The following MYRIP variants were observed in gnomAD, a reference collection of about 807,000 sequenced individuals.
MYRIP encodes myosin VIIA and Rab interacting protein, also known as rab effector MyRIP.
In MYRIP, 49 loss-of-function variants were observed where a neutral mutation model predicts 98.0. The ratio of observed to expected loss-of-function variants is 0.50; its 90% CI spans 0.40 to 0.63. The LOEUF is 0.63. Ranked by LOEUF, MYRIP falls within the 30% of genes least tolerant of loss-of-function variation. The pLI, the probability that MYRIP is intolerant of heterozygous loss-of-function variation, is 0.00. For missense variants in MYRIP, 1,004 were observed against 1,058.2 expected (o/e 0.95, Z 0.71); for synonymous variants, 404 against 409.5 (o/e 0.99, Z 0.16).
At chr3:39,987,023 G>T (rs1023005620) in intron 2 of MYRIP, among the ~76,000 whole-genome samples, 4 of 151,990 alleles carry the variant, frequency 2.6e-5, no homozygotes, top group African/African-American at 4.8e-5. Context: ...AAGTTCCGGG[G>T]TACAGGTGCA....
chr3:40,174,940 G>A (rs965441022), intron 8 of MYRIP, among the ~76,000 whole-genome samples: 5 of 152,164 alleles, frequency 3.3e-5, no homozygotes, highest in South Asian at 2.1e-4. Context: ...TCAGGAGATC[G>A]AGACCATCCT....
At chr3:39,975,435 G>T (rs1471999859) in intron 2 of MYRIP, among the ~76,000 whole-genome samples, 1 of 151,754 alleles carries the variant, frequency 6.6e-6, no homozygotes, top group Non-Finnish European at 1.5e-5. Flanking sequence ...ATGCTCATGG[G>T]TAGGAAGAAT....
chr3:40,171,010 G>T (rs752830912), intron 8 of MYRIP, among the ~76,000 whole-genome samples: 1 of 152,130 alleles, frequency 6.6e-6, no homozygotes, highest in Admixed American at 6.5e-5. Flanking sequence ...CTCGCCAACT[G>T]CCAGATGCAC....
At chr3:39,818,612 T>C (rs986196979) in intron 1 of MYRIP, among the ~76,000 whole-genome samples, 3 of 152,346 alleles carry the variant, frequency 2.0e-5, no homozygotes, top group East Asian at 3.9e-4. Flanking sequence ...ACATATTTTA[T>C]TAATAAGTTT....
intron 4 of MYRIP, among the ~76,000 whole-genome samples, 197 bp downstream of exon 4, chr3:40,151,381 C>T (rs1950116214): frequency 6.6e-6 from 1 of 152,206 alleles, no homozygotes; most frequent in Non-Finnish European, 1.5e-5. Context: ...GTTCCAGCGT[C>T]CCCACTGGGC....
chr3:39,886,969 C>G (rs1416610409), intron 1 of MYRIP, among the ~76,000 whole-genome samples: 1 of 151,920 alleles, frequency 6.6e-6, no homozygotes, highest in South Asian at 2.1e-4. Context: ...TGTAAAAGAA[C>G]AGAAATTATA....
At chr3:40,112,791 G>GC (rs2125903082) in intron 3 of MYRIP, among the ~76,000 whole-genome samples, 1 of 152,332 alleles carries the variant, frequency 6.6e-6, no homozygotes, top group South Asian at 2.1e-4. Context: ...TAAACAGGCT[G>GC]CCCTTTCTGT....
At chr3:40,241,131 C>A (rs1480041054) in intron 12 of MYRIP, among the ~76,000 whole-genome samples, 1 of 152,174 alleles carries the variant, frequency 6.6e-6, no homozygotes. Context: ...AGGACTGCCA[C>A]CTTGAGGATG....
chr3:39,880,957 T>C (rs1458015905), intron 1 of MYRIP, among the ~76,000 whole-genome samples: 1 of 152,162 alleles, frequency 6.6e-6, no homozygotes, highest in Non-Finnish European at 1.5e-5. Flanking sequence ...TCTCTTTCTA[T>C]ATCTCTTTTA....
intron 3 of MYRIP, among the ~76,000 whole-genome samples, chr3:40,141,790 C>G (rs960847019): frequency 6.6e-6 from 1 of 152,136 alleles, no homozygotes; most frequent in African/African-American, 2.4e-5. Flanking sequence ...TTCTACTCTG[C>G]TCTATTGGTT....
At chr3:40,022,927 G>C (rs1947029515) in intron 2 of MYRIP, among the ~76,000 whole-genome samples, 1 of 152,144 alleles carries the variant, frequency 6.6e-6, no homozygotes, top group Non-Finnish European at 1.5e-5. Context: ...AAAAGAGACT[G>C]GCAGTTACAG....
intron 1 of MYRIP, among the ~76,000 whole-genome samples, chr3:39,888,137 C>G (rs1378629822): frequency 2.0e-5 from 3 of 152,024 alleles, no homozygotes; most frequent in Non-Finnish European, 4.4e-5. Flanking sequence ...CCATCCCCAT[C>G]AAGCTACCAA....
At chr3:39,828,461 C>T (rs922010874) in intron 1 of MYRIP, among the ~76,000 whole-genome samples, 4 of 151,530 alleles carry the variant, frequency 2.6e-5, no homozygotes, top group African/African-American at 9.7e-5. Flanking sequence ...TTATTTCTGG[C>T]AATTTATATA....
intron 2 of MYRIP, among the ~76,000 whole-genome samples, chr3:40,035,114 C>A (rs546538943): frequency 6.7e-6 from 1 of 149,192 alleles, no homozygotes; most frequent in Non-Finnish European, 1.5e-5. Flanking sequence ...AGGAGATATA[C>A]CTAATGCTAA....
At chr3:40,077,043 A>G (rs957703809) in intron 3 of MYRIP, among the ~76,000 whole-genome samples, 1 of 152,070 alleles carries the variant, frequency 6.6e-6, no homozygotes, top group African/African-American at 2.4e-5. Flanking sequence ...CCTTGCGGTG[A>G]GTGTTACAGC....
chr3:40,077,866 G>A (rs1948383588), intron 3 of MYRIP, among the ~76,000 whole-genome samples: 1 of 151,948 alleles, frequency 6.6e-6, no homozygotes, highest in Non-Finnish European at 1.5e-5. Flanking sequence ...CCCGCACCGG[G>A]GCTGCAGGTG....
chr3:40,096,065 A>C (rs1575534292), intron 3 of MYRIP, among the ~76,000 whole-genome samples: 4 of 131,570 alleles, frequency 3.0e-5, no homozygotes, highest in South Asian at 2.7e-4. Context: ...CAGCACCCAC[A>C]CCCCCAACCC....
intron 1 of MYRIP, among the ~76,000 whole-genome samples, chr3:39,898,340 T>G (rs773863032): frequency 6.6e-6 from 1 of 152,202 alleles, no homozygotes; most frequent in Non-Finnish European, 1.5e-5. Flanking sequence ...TGGTTCGCAT[T>G]ATGCAGTCAT....
At chr3:40,255,847 A>G (rs1054485616) in intron 16 of MYRIP, among the ~76,000 whole-genome samples, 4 of 152,252 alleles carry the variant, frequency 2.6e-5, no homozygotes, top group Non-Finnish European at 4.4e-5. Flanking sequence ...TATGCTTTAT[A>G]GATCATTCAC....
Sources: gnomAD v4.1 joint callset for allele counts (sites outside exome capture counted in the v4.1 genomes callset) on GRCh38, gnomAD v4.1.1 for gene constraint, MANE v1.5 for transcripts, NCBI Gene and HGNC (gene_info 2026-07-23, HGNC 2026-07-21) for gene names.